Variants in ZDHHC20 observed in about 807,000 individuals in gnomAD.
The protein encoded by ZDHHC20 is palmitoyltransferase ZDHHC20.
In ZDHHC20, 43 loss-of-function variants were observed where a neutral mutation model predicts 57.8. That is an observed-to-expected ratio of 0.74 (90% CI 0.58 to 0.96). The LOEUF (loss-of-function observed/expected upper bound fraction) is 0.96, where lower values mean the gene tolerates loss of function less well. Among genes scored for constraint, ZDHHC20 ranks in the 40% least tolerant of loss-of-function variants. The probability of loss-of-function intolerance (pLI) is 0.00; values close to 1 mark genes in which losing one functional copy is unlikely to be tolerated. For synonymous variants in ZDHHC20, 157 were observed against 153.0 expected (o/e 1.03, Z -0.19); for missense variants, 391 against 441.1 (o/e 0.89, Z 1.02).
chr13:21,382,342 A>G (rs1230213918), intron 10 of ZDHHC20, among the ~76,000 whole-genome samples: 1 of 152,226 alleles, frequency 6.6e-6, no homozygotes, highest in Non-Finnish European at 1.5e-5. Context: ...TAGTGAATAA[A>G]TTACCAATGT....
chr13:21,400,701 CCCT>C (rs1877501913), intron 6 of ZDHHC20, among the ~76,000 whole-genome samples: 1 of 152,054 alleles, frequency 6.6e-6, no homozygotes, highest in Non-Finnish European at 1.5e-5. Flanking sequence ...CTGAACTGTA[CCCT>C]AAGAAATGGT....
chr13:21,438,411 A>G (rs558748202), intron 1 of ZDHHC20, among the ~76,000 whole-genome samples: 2 of 152,318 alleles, frequency 1.3e-5, no homozygotes, highest in South Asian at 2.1e-4. Context: ...GGATGACACT[A>G]AACAGTTCAA....
At chr13:21,449,936 C>T (rs1427291901) in intron 1 of ZDHHC20, among the ~76,000 whole-genome samples, 2 of 151,970 alleles carry the variant, frequency 1.3e-5, no homozygotes, top group Non-Finnish European at 2.9e-5. Context: ...CCAGATGGTG[C>T]AAATTATTAT....
At chr13:21,434,811 G>A (rs577459409) in intron 1 of ZDHHC20, among the ~76,000 whole-genome samples, 4 of 150,758 alleles carry the variant, frequency 2.7e-5, no homozygotes, top group South Asian at 4.2e-4. Flanking sequence ...ACAATATTCC[G>A]TTGTGTGGAT....
chr13:21,416,180 G>A (rs987220406), intron 3 of ZDHHC20, among the ~76,000 whole-genome samples: 18 of 145,526 alleles, frequency 1.2e-4, no homozygotes, highest in African/African-American at 4.7e-4. Context: ...ACTCCAGCCT[G>A]GTGACAGAGT....
intron 1 of ZDHHC20, among the ~76,000 whole-genome samples, chr13:21,437,090 C>T (rs1882631258): frequency 6.6e-6 from 1 of 152,132 alleles, no homozygotes; most frequent in African/African-American, 2.4e-5. Flanking sequence ...GCCAAACCAG[C>T]CACAAACATT....
intron 4 of ZDHHC20, among the ~76,000 whole-genome samples, chr13:21,411,078 G>A (rs913507817): frequency 1.3e-5 from 2 of 152,178 alleles, no homozygotes; most frequent in Non-Finnish European, 2.9e-5. Context: ...TGTCCCTCAC[G>A]GCACAGTCCC....
chr13:21,407,982 C>T (rs1364711349), intron 4 of ZDHHC20, among the ~76,000 whole-genome samples: 2 of 152,086 alleles, frequency 1.3e-5, no homozygotes, highest in South Asian at 2.1e-4. Context: ...GTCTATATAT[C>T]GGTTTTGGCA....
chr13:21,455,803 T>C (rs1238504928), intron 1 of ZDHHC20, among the ~76,000 whole-genome samples: 2 of 152,186 alleles, frequency 1.3e-5, no homozygotes, highest in African/African-American at 2.4e-5. Context: ...AGGAATCTTC[T>C]GCAGCTGCCT....
At chr13:21,381,670 C>G in intron 10 of ZDHHC20, 121 bp from the exon 11 acceptor site, 1 of 667,414 alleles carries the variant, frequency 1.5e-6, no homozygotes, top group Non-Finnish European at 2.5e-6. Flanking sequence ...CTCATGAGAT[C>G]TTAGCACTCT....
At chr13:21,436,373 G>A (rs369272884) in intron 1 of ZDHHC20, among the ~76,000 whole-genome samples, 3 of 152,136 alleles carry the variant, frequency 2.0e-5, no homozygotes, top group African/African-American at 7.2e-5. Context: ...TTTACAAATC[G>A]AAGGTTGTGG....
In ZDHHC20 at chr13:21,423,918, ATAACTTTGAGATAGATGG is replaced by A. The variant is rs1184159720; in HGVS notation, c.145+1716_145+1733del. ...TTGTTCCTCATCTATACACTATCAT[ATAACTTTGAGATAGATGG>A]TAACTTTGAGATACTTTAAATGTAA... On this transcript the variant is annotated intron_variant, in intron 2 of 12. Coordinates refer to ENST00000400590, the MANE Select transcript of ZDHHC20 (RefSeq NM_001330059.2). 5.3e-5 allele frequency among the ~76,000 whole-genome samples: 8 copies of A among 152,092 alleles called. No homozygotes were observed. The East Asian group carries it at 1.5e-3, about 29-fold the overall frequency.
chr13:21,448,119 C>T (rs1313438561), intron 1 of ZDHHC20, among the ~76,000 whole-genome samples: 19 of 135,656 alleles, frequency 1.4e-4, no homozygotes, highest in African/African-American at 4.9e-4. Flanking sequence ...GGAGCCTCTC[C>T]GCCCGGCAGC....
At chr13:21,403,586 C>T (rs1878017654) in intron 4 of ZDHHC20, among the ~76,000 whole-genome samples, 1 of 152,090 alleles carries the variant, frequency 6.6e-6, no homozygotes, top group Non-Finnish European at 1.5e-5. Flanking sequence ...GGGAAGGAAA[C>T]ATTGGGGAAT....
At chr13:21,438,035 G>GA (rs1266864537) in intron 1 of ZDHHC20, among the ~76,000 whole-genome samples, 9 of 152,076 alleles carry the variant, frequency 5.9e-5, no homozygotes, top group Non-Finnish European at 8.8e-5. Flanking sequence ...CTACTGCTCA[G>GA]AAAAAAGATT....
rs1219560992 is a variant in ZDHHC20, at chr13:21,421,160, C to G, written c.150G>C (p.Lys50Asn). The change falls in exon 3 of 13, where the codon AAG (lysine) becomes AAC (asparagine). Residue 50 changes from lysine to asparagine, a missense_variant. By Grantham distance (94) the Lys-to-Asn change is moderately conservative (BLOSUM62 0). This residue lies in a region of ZDHHC20 where 185 missense variants were observed against 188.0 expected (regional missense o/e 0.98). Transcript: ENST00000400590. ...GGAAAGCCACAAGGTAAACAACGGT[C>G]TTTCCTGGTAAATAAAAACAAATAA... ...FTIFGNEENGKTVVYLVAFHL... is the reference protein window; with the variant it reads ...FTIFGNEENGNTVVYLVAFHL... The G allele has an allele frequency of 6.2e-7, 1 of 1,612,516 alleles. No individual in the cohort carries two copies. Among genetic ancestry groups the G allele is most frequent in the Admixed American group, 1.7e-5 (1 of 59,914 alleles).
At chr13:21,456,529 T>C (rs1884942934) in intron 1 of ZDHHC20, among the ~76,000 whole-genome samples, 1 of 152,242 alleles carries the variant, frequency 6.6e-6, no homozygotes, top group South Asian at 2.1e-4. Context: ...TCTATACATA[T>C]TTCAGTGGGA....
chr13:21,430,826 T>TA (rs1382163491), intron 1 of ZDHHC20, among the ~76,000 whole-genome samples: 5 of 152,156 alleles, frequency 3.3e-5, no homozygotes, highest in Non-Finnish European at 7.4e-5. Flanking sequence ...GCAAGGTCCC[T>TA]AGCTGATCTG....
intron 3 of ZDHHC20, among the ~76,000 whole-genome samples, chr13:21,418,542 G>A (rs113755116): frequency 0.025 from 3,757 of 151,438 alleles, 144 homozygotes; most frequent in African/African-American, 0.083. Context: ...GTGGGTACTA[G>A]TATCACCCTC....
Sources: gnomAD v4.1 joint callset for allele counts (sites outside exome capture counted in the v4.1 genomes callset) on GRCh38, gnomAD v4.1.1 for gene constraint, gnomAD v4.1.1 regional missense constraint, MANE v1.5 for transcripts, NCBI Gene and HGNC (gene_info 2026-07-23, HGNC 2026-07-21) for gene names.